Variants in PTK7 observed in about 807,000 individuals in gnomAD.
PTK7 encodes protein tyrosine kinase 7 (inactive).
A neutral mutation model predicts 116.6 loss-of-function variants in PTK7; 39 were observed. The ratio of observed to expected loss-of-function variants is 0.33; its 90% CI spans 0.26 to 0.44. PTK7 has a LOEUF of 0.44. Among genes scored for constraint, PTK7 ranks in the 20% least tolerant of loss-of-function variants. The pLI is 1.00. For synonymous variants in PTK7, 546 were observed against 563.6 expected, an observed-to-expected ratio of 0.97 and a Z score of 0.44; for missense variants, 1,169 against 1,425.6, an observed-to-expected ratio of 0.82 and a Z score of 2.90.
Position 43,160,991 on chromosome 6 carries a change from A to G in PTK7, c.*110A>G, listed in dbSNP as rs941367308. 5.0e-6 allele frequency: 7 copies of G among 1,395,214 alleles called. No homozygotes were observed. Among genetic ancestry groups the G allele is most frequent in the Non-Finnish European group, 6.7e-6 (7 of 1,043,936 alleles). The allele number at this position is 1,395,214 out of a possible 1,614,324, so 86.4% of individuals were successfully genotyped here. ...TCCTGGGCCCTGAGGCCCCTGCCCTAGTGCAACAGGCATTGCTGAGGTCTG... is the reference window on the plus strand; with the variant it reads ...TCCTGGGCCCTGAGGCCCCTGCCCTGGTGCAACAGGCATTGCTGAGGTCTG... On this transcript the variant is annotated 3_prime_UTR_variant, in exon 20 of 20. Transcript: ENST00000230419.
intron 1 of PTK7, among the ~76,000 whole-genome samples, chr6:43,126,360 C>G (rs1769288248): frequency 1.3e-5 from 2 of 152,216 alleles, no homozygotes; most frequent in South Asian, 4.2e-4. Context: ...TGGTGAGTCA[C>G]ATTTGCAGAG....
chr6:43,139,496 A>C lies in PTK7; in HGVS notation c.1589A>C (p.Glu530Ala). 6.2e-7 allele frequency: 1 copy of C among 1,614,254 alleles called. No homozygotes were observed. The highest frequency in any genetic ancestry group is 8.5e-7 in the Non-Finnish European group (1 of 1,180,042). The change falls in exon 10 of 20, where the codon GAG (glutamate) becomes GCG (alanine). Residue 530 changes from glutamate (E) to alanine (A), a missense_variant. Coordinates refer to ENST00000230419, the MANE Select transcript of PTK7 (RefSeq NM_002821.5). This position sits in a 1 kb window ranked among gnomAD's most constrained non-coding sequence, Gnocchi z 4.6. The stretch of plus-strand genomic sequence containing the variant: ...GTGCCCTGTTCAGCCACAGGCCGAG[A>C]GAAGCCCACTATTAAGTGGGAACGG... ...ATVPCSATGR[E>A]KPTIKWERAD...
chr6:43,131,975 C>A, intron 5 of PTK7, 41 bp from the exon 6 acceptor site: 1 of 1,612,640 alleles, frequency 6.2e-7, no homozygotes. Flanking sequence ...AGAACTAGGC[C>A]TATTGGCCAC....
Position 43,076,536 on chromosome 6 carries a change from G to C in PTK7, c.48G>C (p.Leu16=). The C allele has an allele frequency of 6.3e-7, 1 of 1,580,164 alleles. No homozygotes were observed. Among genetic ancestry groups the C allele is most frequent in the South Asian group, 1.1e-5 (1 of 87,564 alleles). ...GSPARPRRLP[L]LSVLLLPLLG... ...CGGCCAGACCCCGCCGGTTGCCTCT[G>C]CTCAGCGTCCTGCTGCTGCCGCTGC... is the stretch of plus-strand genomic sequence containing the variant. The change falls in exon 1 of 20, where the codon CTG becomes CTC. Residue 16 remains leucine (L), a synonymous_variant. Transcript: ENST00000230419. This position sits in a 1 kb window ranked among gnomAD's most constrained non-coding sequence, Gnocchi z 5.7.
chr6:43,160,985 T>C lies in PTK7; in HGVS notation c.*104T>C. The stretch of plus-strand genomic sequence containing the variant: ...CTGTCCTCCTGGGCCCTGAGGCCCC[T>C]GCCCTAGTGCAACAGGCATTGCTGA... On this transcript the variant is annotated 3_prime_UTR_variant, in exon 20 of 20. Transcript: ENST00000230419. The C allele has an allele frequency of 1.4e-6, 2 of 1,402,144 alleles. No individual in the cohort carries two copies. Among genetic ancestry groups the C allele is most frequent in the Non-Finnish European group, 1.9e-6 (2 of 1,046,648 alleles). 86.9% of individuals were successfully genotyped at this position (1,402,144 alleles called of 1,614,324 possible).
chr6:43,152,087 T>C (rs893061070), intron 17 of PTK7, among the ~76,000 whole-genome samples: 1 of 151,646 alleles, frequency 6.6e-6, no homozygotes, highest in Non-Finnish European at 1.5e-5. Context: ...GACCTTGTGA[T>C]CCACCCGCCT....
chr6:43,104,412 ATTAT>A (rs1194807486), intron 1 of PTK7, among the ~76,000 whole-genome samples: 3 of 152,188 alleles, frequency 2.0e-5, no homozygotes, highest in Admixed American at 6.5e-5. Context: ...TTTTTTTAAA[ATTAT>A]TTATTTATTT....
intron 1 of PTK7, among the ~76,000 whole-genome samples, chr6:43,093,895 C>T (rs1309322312): frequency 6.6e-6 from 1 of 152,178 alleles, no homozygotes; most frequent in Non-Finnish European, 1.5e-5. Flanking sequence ...CAAATACCCC[C>T]TAAAAGTTTC....
At chr6:43,116,653 C>CGTGT (rs1388689305) in intron 1 of PTK7, among the ~76,000 whole-genome samples, 13 of 87,712 alleles carry the variant, frequency 1.5e-4, no homozygotes, top group Admixed American at 6.4e-4. Flanking sequence ...TGTGTGTGTG[C>CGTGT]GCGCGCACGC....
At chr6:43,116,678 A>C (rs1768568768) in intron 1 of PTK7, among the ~76,000 whole-genome samples, 1 of 151,154 alleles carries the variant, frequency 6.6e-6, no homozygotes, top group African/African-American at 2.4e-5. Context: ...ACGCATATGG[A>C]TACATGTACA....
At chr6:43,132,995 G>A (rs1224532892) in intron 7 of PTK7, 3 of 496,308 alleles carry the variant, frequency 6.0e-6, no homozygotes, top group East Asian at 3.0e-5. Flanking sequence ...ACAGAGTGAC[G>A]ATGGTAGCAA....
rs552231992 is a variant in PTK7 at position 43,153,719 on chromosome 6, T to G, written c.2722-5098T>G. Among the ~76,000 whole-genome samples, 6 of 152,110 alleles carry G rather than the reference T, an allele frequency of 3.9e-5. No homozygotes were observed. The East Asian group carries it at 1.2e-3, about 30-fold the overall frequency. On this transcript the variant is annotated intron_variant, in intron 17 of 19. Transcript: ENST00000230419. The stretch of plus-strand genomic sequence containing the variant: ...CAATAGCTACTGCGCTAAACAGAAT[T>G]GAATTTTAAATGTTACTGAGTTTTA...
At chr6:43,095,031 G>A (rs947506177) in intron 1 of PTK7, among the ~76,000 whole-genome samples, 19 of 146,724 alleles carry the variant, frequency 1.3e-4, no homozygotes, top group South Asian at 6.8e-4. Context: ...GCTACAGAGC[G>A]AGACTCTGTC....
Position 43,076,533 on chromosome 6 carries a change from T to C in PTK7, c.45T>C (p.Pro15=). The C allele has an allele frequency of 1.3e-6, 2 of 1,579,846 alleles. No homozygotes were observed. The highest frequency in any genetic ancestry group is 1.7e-6 in the Non-Finnish European group (2 of 1,167,064). ...RGSPARPRRL[P]LLSVLLLPLL... is the part of the protein sequence containing the mutation. ...CCCCGGCCAGACCCCGCCGGTTGCC[T>C]CTGCTCAGCGTCCTGCTGCTGCCGC... The change falls in exon 1 of 20, where the codon CCT becomes CCC. Residue 15 remains proline (P), a synonymous_variant. Transcript: ENST00000230419. The surrounding 1 kb of genome is among the most constrained non-coding windows in gnomAD (Gnocchi z 5.7).
chr6:43,155,858 T>C (rs1021768388), intron 17 of PTK7, among the ~76,000 whole-genome samples: 1 of 152,184 alleles, frequency 6.6e-6, no homozygotes, highest in Admixed American at 6.5e-5. Context: ...AACTCATACA[T>C]GTGTACACTT....
At position 43,130,223 on chromosome 6, in the gene PTK7, C is replaced by G; in HGVS notation, c.471-7C>G. 6.4e-7 allele frequency: 1 copy of G among 1,563,950 alleles called. No individual in the cohort carries two copies. Among genetic ancestry groups the G allele is most frequent in the Non-Finnish European group, 8.7e-7 (1 of 1,150,486 alleles). ...CCCCACCACTGCTGACTGTGTCTGC[C>G]CTGCAGGCCCACCTACCAATGGTTC... is the stretch of plus-strand genomic sequence containing the variant. On this transcript the variant is annotated splice_polypyrimidine_tract_variant and splice_region_variant and intron_variant, in intron 3 of 19. Transcript: ENST00000230419.
In PTK7 at chr6:43,081,129, A is replaced by C. The variant is rs551383975; in HGVS notation, c.79+4562A>C. 2.1e-4 allele frequency among the ~76,000 whole-genome samples: 32 copies of C among 151,888 alleles called. No homozygotes were observed. The East Asian group carries it at 5.2e-3, about 25-fold the overall frequency. On this transcript the variant is annotated intron_variant, in intron 1 of 19. Coordinates refer to ENST00000230419, the MANE Select transcript of PTK7 (RefSeq NM_002821.5). ...CCTAACACATATCTGGTTTTCTCCC[A>C]CCTTTCTTTCCTTCGGGCCAGTCCC... is the stretch of plus-strand genomic sequence containing the variant.
chr6:43,111,725 C>G (rs181974592), intron 1 of PTK7, among the ~76,000 whole-genome samples: 1 of 152,060 alleles, frequency 6.6e-6, no homozygotes, highest in Non-Finnish European at 1.5e-5. Flanking sequence ...TGCAGTGGCA[C>G]GATCATTGCT....
At position 43,139,579 on chromosome 6, in the gene PTK7, T is replaced by C. The variant is rs1211717921; in HGVS notation, c.1618+54T>C. Reference sequence around the variant, plus strand: ...GCAGGCAGGCAGTTCACTGATCAGATACATACCTGAGGGCTGCTGGGTGCC... The same window carrying C: ...GCAGGCAGGCAGTTCACTGATCAGACACATACCTGAGGGCTGCTGGGTGCC... On this transcript the variant is annotated intron_variant, in intron 10 of 19. Coordinates refer to ENST00000230419, the MANE Select transcript of PTK7 (RefSeq NM_002821.5). This position sits in a 1 kb window ranked among gnomAD's most constrained non-coding sequence, Gnocchi z 4.6. 6.2e-7 allele frequency: 1 copy of C among 1,606,212 alleles called. No homozygotes were observed. Among genetic ancestry groups the C allele is most frequent in the African/African-American group, 1.3e-5 (1 of 74,930 alleles).
Sources: allele counts gnomAD v4.1 joint callset (sites outside exome capture counted in the v4.1 genomes callset), GRCh38; gene constraint gnomAD v4.1.1; non-coding constraint Gnocchi (gnomAD v3.1); transcripts MANE v1.5; gene names NCBI Gene and HGNC (gene_info 2026-07-23, HGNC 2026-07-21).